DOCK7: variants seen among roughly 807,000 people sequenced by gnomAD.
The protein encoded by DOCK7 is dedicator of cytokinesis protein 7.
DOCK7 carries 138 observed loss-of-function variants against 271.0 expected under a neutral mutation model. The observed-to-expected ratio is 0.51, with a 90% confidence interval of 0.44 to 0.59. The LOEUF (loss-of-function observed/expected upper bound fraction) is 0.59, where lower values mean the gene tolerates loss of function less well. Among genes scored for constraint, DOCK7 ranks in the 20% least tolerant of loss-of-function variants. The pLI, the probability that DOCK7 is intolerant of heterozygous loss-of-function variation, is 0.00. For synonymous variants in DOCK7, 823 were observed against 876.1 expected (o/e 0.94, Z 1.07); for missense variants, 2,066 against 2,592.4 (o/e 0.80, Z 4.41).
At chr1:62,564,632 A>G (rs1646448404) in intron 18 of DOCK7, among the ~76,000 whole-genome samples, 1 of 152,200 alleles carries the variant, frequency 6.6e-6, no homozygotes, top group Non-Finnish European at 1.5e-5. Context: ...TAACATCACA[A>G]TTAAAAGAAC....
At chr1:62,475,536 G>A (rs1645944970) in intron 46 of DOCK7, 171 bp downstream of exon 46, 3 of 1,058,050 alleles carry the variant, frequency 2.8e-6, no homozygotes, top group African/African-American at 1.6e-5. Context: ...AAAGCTGGGG[G>A]TGAATTAGGG....
chr1:62,652,570 C>T (rs1315098782), intron 4 of DOCK7, among the ~76,000 whole-genome samples: 1 of 152,060 alleles, frequency 6.6e-6, no homozygotes, highest in African/African-American at 2.4e-5. Context: ...ATGCCCAGCA[C>T]ACAGTAAACC....
At chr1:62,546,351 A>G (rs1645707310) in intron 22 of DOCK7, among the ~76,000 whole-genome samples, 1 of 152,122 alleles carries the variant, frequency 6.6e-6, no homozygotes, top group African/African-American at 2.4e-5. Context: ...TATTTCCTCC[A>G]CCTTTTTTCA....
At chr1:62,636,005 C>T (rs1430541700) in intron 8 of DOCK7, among the ~76,000 whole-genome samples, 2 of 152,172 alleles carry the variant, frequency 1.3e-5, no homozygotes, top group African/African-American at 4.8e-5. Context: ...GTAATCCCAG[C>T]ACTTTGGGAG....
intron 14 of DOCK7, chr1:62,597,849 G>C (rs1176517097): frequency 1.9e-6 from 3 of 1,603,830 alleles, no homozygotes; most frequent in Non-Finnish European, 2.6e-6. Flanking sequence ...AATCAAAGAA[G>C]AAGAAAAGGA....
chr1:62,568,597 GC>G (rs1489039803), intron 18 of DOCK7, among the ~76,000 whole-genome samples: 3 of 126,404 alleles, frequency 2.4e-5, no homozygotes, highest in Non-Finnish European at 4.8e-5. Context: ...GAGCCACTGT[GC>G]CCTGCCTAAA....
intron 48 of DOCK7, among the ~76,000 whole-genome samples, chr1:62,468,767 C>G (rs1467575470): frequency 3.3e-5 from 5 of 151,972 alleles, no homozygotes; most frequent in Non-Finnish European, 7.4e-5. Context: ...TATACACCAA[C>G]AGCAACTAAG....
chr1:62,629,950 T>G (rs904942172), intron 11 of DOCK7, among the ~76,000 whole-genome samples: 1 of 152,188 alleles, frequency 6.6e-6, no homozygotes, highest in Non-Finnish European at 1.5e-5. Context: ...GTAGGATAAT[T>G]ATTTACCCAA....
chr1:62,504,752 CT>C lies in DOCK7; in HGVS notation c.4641del (p.Glu1548SerfsTer32). ...KFPELLFEEE[T>X]EQCADLCLRL... Reference sequence around the variant, plus strand: ...CTGAGGCATAAATCAGCACACTGCTCTGTCTCTTCTTCAAATAAGAGTTCAG... The same window carrying C: ...CTGAGGCATAAATCAGCACACTGCTCGTCTCTTCTTCAAATAAGAGTTCAG... On this transcript the variant is annotated frameshift_variant, in exon 37 of 50. Coordinates refer to ENST00000635253, the MANE Select transcript of DOCK7 (RefSeq NM_001367561.1). LOFTEE classifies it high-confidence loss of function. The C allele has an allele frequency of 6.2e-7, 1 of 1,614,000 alleles. No individual in the cohort carries two copies. Among genetic ancestry groups the C allele is most frequent in the Non-Finnish European group, 8.5e-7 (1 of 1,179,964 alleles).
At chr1:62,496,826 A>G (rs912453748) in intron 37 of DOCK7, among the ~76,000 whole-genome samples, 1 of 152,270 alleles carries the variant, frequency 6.6e-6, no homozygotes, top group Non-Finnish European at 1.5e-5. Context: ...AGCTTGACTG[A>G]CATTATAAAA....
intron 19 of DOCK7, among the ~76,000 whole-genome samples, chr1:62,559,787 G>A (rs569539729): frequency 1.3e-5 from 2 of 152,222 alleles, no homozygotes; most frequent in East Asian, 1.9e-4. Context: ...TTACAAGTTT[G>A]GCCTTGGGCT....
chr1:62,604,976 A>T, intron 14 of DOCK7: 1 of 681,260 alleles, frequency 1.5e-6, no homozygotes, highest in South Asian at 2.0e-5. Flanking sequence ...ACAATCACAT[A>T]ACCTTAAAGA....
intron 31 of DOCK7, among the ~76,000 whole-genome samples, chr1:62,526,629 C>T (rs763322191): frequency 2.0e-5 from 3 of 152,040 alleles, no homozygotes; most frequent in Non-Finnish European, 2.9e-5. Context: ...CATAAATGTT[C>T]GTGGCAGCAT....
chr1:62,622,413 A>T (rs1013469084), intron 12 of DOCK7, among the ~76,000 whole-genome samples: 5 of 151,866 alleles, frequency 3.3e-5, no homozygotes, highest in Non-Finnish European at 5.9e-5. Context: ...TTTTTTTTTT[A>T]AATATCTATG....
Position 62,586,625 on chromosome 1 carries a change from C to G in DOCK7, c.1683-1G>C. 1.3e-6 allele frequency: 2 copies of G among 1,566,762 alleles called. No homozygotes were observed. Among genetic ancestry groups the G allele is most frequent in the Non-Finnish European group, 1.8e-6 (2 of 1,139,716 alleles). ...CTGAGGGTATATGTAGAGAAGATTT[C>G]TGTGAAAGCAACAGTATAGATGATA... On this transcript the variant is annotated splice_acceptor_variant, in intron 14 of 49. Coordinates refer to ENST00000635253, the MANE Select transcript of DOCK7 (RefSeq NM_001367561.1). LOFTEE classifies it high-confidence loss of function.
chr1:62,682,907 G>A (rs535967480), intron 1 of DOCK7, among the ~76,000 whole-genome samples: 1 of 152,230 alleles, frequency 6.6e-6, no homozygotes, highest in South Asian at 2.1e-4. Flanking sequence ...TGAGAGAGGT[G>A]GCAAGAGAGA....
chr1:62,618,840 T>C lies in DOCK7; in HGVS notation c.1548A>G (p.Ala516=). ...TTAGGCAATAATGGGGATTTTCAGGTGCGGGAGAAATGTCTATCTTGAGCT... is the reference window on the plus strand; with the variant it reads ...TTAGGCAATAATGGGGATTTTCAGGCGCGGGAGAAATGTCTATCTTGAGCT... ...TAQLKIDISP[A]PENPHYCLTP... is the part of the protein sequence containing the mutation. Residue 516 remains alanine, a synonymous_variant, in exon 14 of 50, where the codon GCA becomes GCG. Transcript: ENST00000635253. 1 of 1,613,810 alleles carries C rather than the reference T, an allele frequency of 6.2e-7. No homozygotes were observed. The highest frequency in any genetic ancestry group is 8.5e-7 in the Non-Finnish European group (1 of 1,179,786).
intron 15 of DOCK7, 44 bp from the exon 16 acceptor site, chr1:62,583,298 C>A: frequency 1.3e-6 from 2 of 1,508,974 alleles, no homozygotes; most frequent in Non-Finnish European, 1.8e-6. Context: ...GTAGTAAATG[C>A]TGGATGTTTC....
intron 22 of DOCK7, among the ~76,000 whole-genome samples, chr1:62,551,229 T>C (rs1289790653): frequency 1.3e-5 from 2 of 152,000 alleles, no homozygotes; most frequent in African/African-American, 2.4e-5. Flanking sequence ...AAATTAAAGT[T>C]ATTGGTAATG....
Sources: allele counts gnomAD v4.1 joint callset (sites outside exome capture counted in the v4.1 genomes callset), GRCh38; gene constraint gnomAD v4.1.1; transcripts MANE v1.5; gene names NCBI Gene and HGNC (gene_info 2026-07-23, HGNC 2026-07-21).